OR9Q1: variants seen among roughly 807,000 people sequenced by gnomAD.
The protein encoded by OR9Q1 is olfactory receptor family 9 subfamily Q member 1, also known as olfactory receptor 9Q1.
For synonymous variants in OR9Q1, 153 were observed against 148.6 expected, an observed-to-expected ratio of 1.03 and a Z score of -0.22; for missense variants, 374 against 378.8, an observed-to-expected ratio of 0.99 and a Z score of 0.11.
At chr11:58,031,412 C>CTGGT in intron 1 of OR9Q1, 1 of 1,614,140 alleles carries the variant, frequency 6.2e-7, no homozygotes, top group South Asian at 1.1e-5. Flanking sequence ...TGCCTGTTGG[C>CTGGT]TGGTAGGTTT....
In OR9Q1 at chr11:58,172,820, A is replaced by G. The variant is rs866273769; in HGVS notation, c.-14-6611A>G. ...GCCATTTATTCTTTGTGTTACAAAC[A>G]ATCAAAGTATACTGTTTTAATTATT... On this transcript the variant is annotated intron_variant, in intron 2 of 2. Transcript: ENST00000335397. Among the ~76,000 whole-genome samples the G allele has an allele frequency of 4.6e-5, 7 of 152,160 alleles. No homozygotes were observed. The East Asian group carries it at 5.8e-4, about 13-fold the overall frequency.
At chr11:58,103,649 G>GT (rs1296291386) in intron 2 of OR9Q1, among the ~76,000 whole-genome samples, 3 of 151,838 alleles carry the variant, frequency 2.0e-5, no homozygotes, top group Admixed American at 6.6e-5. Context: ...GTCATGTTTT[G>GT]TTTTTGTTTT....
intron 2 of OR9Q1, among the ~76,000 whole-genome samples, chr11:58,076,310 T>C (rs1853538478): frequency 6.6e-6 from 1 of 152,196 alleles, no homozygotes; most frequent in South Asian, 2.1e-4. Context: ...AATCAGGTTG[T>C]TGTGTGGGGC....
chr11:58,092,738 T>C (rs1406568603), intron 2 of OR9Q1, among the ~76,000 whole-genome samples: 1 of 152,200 alleles, frequency 6.6e-6, no homozygotes, highest in Non-Finnish European at 1.5e-5. Context: ...GCTAATGTCT[T>C]CAAAATTTGA....
At chr11:58,147,721 C>G (rs570604156) in intron 2 of OR9Q1, among the ~76,000 whole-genome samples, 11 of 152,184 alleles carry the variant, frequency 7.2e-5, no homozygotes, top group African/African-American at 2.4e-4. Flanking sequence ...CGTAAAAAAA[C>G]ACTGGGGAAT....
rs145097135 is a variant in OR9Q1, at chr11:58,151,130, C to T, written c.-14-28301C>T. ...TTAAGGACCCAACTTTATTCTTTTG[C>T]GTGGGTTATCCAGTTTCCCTAGCAT... On this transcript the variant is annotated intron_variant, in intron 2 of 2. Transcript: ENST00000335397. Among the ~76,000 whole-genome samples, 399 of 152,244 alleles carry T rather than the reference C, an allele frequency of 2.6e-3. 1 individual carries two copies. Among genetic ancestry groups the T allele is most frequent in the African/African-American group, 6.7e-3 (278 of 41,544 alleles).
At chr11:58,031,738 G>A in intron 1 of OR9Q1, 20 of 1,614,092 alleles carry the variant, frequency 1.2e-5, no homozygotes, top group Non-Finnish European at 1.7e-5. Flanking sequence ...TTTTCTTTAT[G>A]TATGTCCAGA....
intron 2 of OR9Q1, among the ~76,000 whole-genome samples, chr11:58,075,085 A>G (rs1409068668): frequency 6.6e-6 from 1 of 152,086 alleles, no homozygotes; most frequent in East Asian, 1.9e-4. Flanking sequence ...TCTTGGCTCT[A>G]CGGGATATTT....
At chr11:58,078,931 C>G (rs1853564618) in intron 2 of OR9Q1, among the ~76,000 whole-genome samples, 2 of 152,212 alleles carry the variant, frequency 1.3e-5, no homozygotes, top group Admixed American at 1.3e-4. Context: ...ATTCACCTTA[C>G]AAGTGATGAA....
chr11:58,062,537 C>T (rs1383806746), intron 2 of OR9Q1, among the ~76,000 whole-genome samples: 2 of 152,134 alleles, frequency 1.3e-5, no homozygotes, highest in Non-Finnish European at 2.9e-5. Flanking sequence ...AGGTCACACA[C>T]TCCTAGGTCT....
chr11:58,143,404 G>C (rs186801726), intron 2 of OR9Q1, among the ~76,000 whole-genome samples: 1 of 152,164 alleles, frequency 6.6e-6, no homozygotes, highest in Non-Finnish European at 1.5e-5. Flanking sequence ...CTTCAACAAA[G>C]TGCTTTTTTC....
intron 1 of OR9Q1, chr11:58,031,679 T>C (rs773638897): frequency 6.2e-7 from 1 of 1,613,984 alleles, no homozygotes. Flanking sequence ...GAAGGCCTTC[T>C]CTACCTGTGC....
intron 2 of OR9Q1, among the ~76,000 whole-genome samples, chr11:58,150,667 C>G (rs1854342180): frequency 6.6e-6 from 1 of 152,118 alleles, no homozygotes; most frequent in African/African-American, 2.4e-5. Context: ...GTAAACAAAC[C>G]TACTGTACTA....
intron 2 of OR9Q1, among the ~76,000 whole-genome samples, chr11:58,131,283 G>T (rs1002446464): frequency 2.4e-4 from 37 of 152,194 alleles, no homozygotes; most frequent in South Asian, 8.3e-4. Flanking sequence ...AAGGACTGAA[G>T]GGTCTTCCTG....
intron 2 of OR9Q1, among the ~76,000 whole-genome samples, chr11:58,081,762 G>T (rs1228057333): frequency 2.8e-5 from 4 of 142,626 alleles, no homozygotes; most frequent in Admixed American, 1.4e-4. Context: ...TTCCCATTCT[G>T]TAGGTTGCCT....
intron 1 of OR9Q1, among the ~76,000 whole-genome samples, chr11:58,053,067 A>C (rs1347369470): frequency 6.6e-6 from 1 of 151,798 alleles, no homozygotes; most frequent in Admixed American, 6.6e-5. Flanking sequence ...TAGAACTAGA[A>C]ATACCATTTG....
At chr11:58,110,208 A>C (rs996302019) in intron 2 of OR9Q1, among the ~76,000 whole-genome samples, 3 of 152,146 alleles carry the variant, frequency 2.0e-5, no homozygotes, top group Non-Finnish European at 2.9e-5. Context: ...TGCTCTTTCT[A>C]TACCTCCTAC....
chr11:58,054,283 G>T (rs1853305505), intron 1 of OR9Q1, among the ~76,000 whole-genome samples: 2 of 152,158 alleles, frequency 1.3e-5, no homozygotes, highest in South Asian at 4.1e-4. Context: ...TAGGAAAAGA[G>T]GTGGTCATCT....
chr11:58,072,079 AC>A (rs1191897881), intron 2 of OR9Q1, among the ~76,000 whole-genome samples: 1 of 152,190 alleles, frequency 6.6e-6, no homozygotes, highest in Non-Finnish European at 1.5e-5. Flanking sequence ...TAAAAAAATT[AC>A]TTTTCTTGTA....
Sources: gnomAD v4.1 joint callset for allele counts (sites outside exome capture counted in the v4.1 genomes callset) on GRCh38, gnomAD v4.1.1 for gene constraint, MANE v1.5 for transcripts, NCBI Gene and HGNC (gene_info 2026-07-23, HGNC 2026-07-21) for gene names.